Variants in SPECC1 observed in about 807,000 individuals in gnomAD.
SPECC1 encodes sperm antigen with calponin homology and coiled-coil domains 1.
SPECC1 carries 62 observed loss-of-function variants against 104.1 expected under a neutral mutation model. The ratio of observed to expected loss-of-function variants is 0.60; its 90% CI spans 0.49 to 0.74. The LOEUF (loss-of-function observed/expected upper bound fraction) is 0.74. SPECC1 is among the 30% of genes least tolerant of loss of function. The pLI is 0.00. For missense variants in SPECC1, 1,306 were observed against 1,310.5 expected (o/e 1.00, Z 0.05); for synonymous variants, 513 against 501.6 (o/e 1.02, Z -0.30).
intron 7 of SPECC1, among the ~76,000 whole-genome samples, chr17:20,234,487 C>G (rs1177648375): frequency 6.6e-6 from 1 of 152,192 alleles, no homozygotes; most frequent in Non-Finnish European, 1.5e-5. Context: ...ACCCCATGAG[C>G]AAGACTTGAA....
chr17:20,233,750 A>C (rs1386073925), intron 7 of SPECC1, among the ~76,000 whole-genome samples: 1 of 152,196 alleles, frequency 6.6e-6, no homozygotes, highest in Non-Finnish European at 1.5e-5. Context: ...TAGGAAAACT[A>C]GGTTTCACAG....
intron 10 of SPECC1, among the ~76,000 whole-genome samples, chr17:20,256,131 C>T (rs1033709706): frequency 2.0e-5 from 3 of 152,142 alleles, no homozygotes; most frequent in African/African-American, 7.2e-5. Flanking sequence ...CCCACCTCGG[C>T]CTCCCAAAGT....
At chr17:20,213,111 T>C (rs982491434) in intron 4 of SPECC1, among the ~76,000 whole-genome samples, 5 of 152,168 alleles carry the variant, frequency 3.3e-5, no homozygotes, top group Non-Finnish European at 5.9e-5. Context: ...CTTTTCTTTT[T>C]TTTTGAGACA....
At chr17:20,039,333 G>A (rs2045227176) in intron 1 of SPECC1, among the ~76,000 whole-genome samples, 2 of 152,120 alleles carry the variant, frequency 1.3e-5, no homozygotes, top group African/African-American at 4.8e-5. Flanking sequence ...TGTTCTATCA[G>A]TTGTTAAGAG....
chr17:20,268,393 G>C (rs567855156), intron 12 of SPECC1, among the ~76,000 whole-genome samples: 1 of 152,312 alleles, frequency 6.6e-6, no homozygotes, highest in South Asian at 2.1e-4. Flanking sequence ...TTCTGTCTCT[G>C]AGTTCCCACA....
At chr17:20,276,250 G>C (rs2040572896) in intron 12 of SPECC1, among the ~76,000 whole-genome samples, 2 of 151,978 alleles carry the variant, frequency 1.3e-5, no homozygotes, top group Non-Finnish European at 2.9e-5. Context: ...CTAAGTAGCT[G>C]GGTCTACAGG....
At chr17:20,188,250 G>T (rs2035409725) in intron 3 of SPECC1, among the ~76,000 whole-genome samples, 2 of 127,736 alleles carry the variant, frequency 1.6e-5, no homozygotes, top group African/African-American at 3.4e-5. Flanking sequence ...GGTATCAAAA[G>T]ACATCCTTTT....
chr17:20,053,496 G>A lies in SPECC1; in HGVS notation c.-21-43135G>A, dbSNP rs137856215. Among the ~76,000 whole-genome samples the A allele has an allele frequency of 3.2e-3, 488 of 152,336 alleles. 1 individual carries two copies. Among genetic ancestry groups the A allele is most frequent in the Admixed American group, 5.9e-3 (90 of 15,304 alleles). On this transcript the variant is annotated intron_variant, in intron 1 of 14. Coordinates refer to ENST00000395527, the MANE Select transcript of SPECC1 (RefSeq NM_001243439.2). ...TTCTAACTAATGGAATAAGGCAGAA[G>A]TGAGAGTGTTAGGAGTAGGTCCATA...
rs776174771 is a variant in SPECC1, at chr17:20,297,088, G to A, written c.3057+11G>A. ...AATAGTCAGGAGAAAGTAAGTCATG[G>A]CCCTGTCACCTTGGTTATCCTCTAA... On this transcript the variant is annotated intron_variant, in intron 13 of 14. Transcript: ENST00000395527. 1.2e-6 allele frequency: 2 copies of A among 1,609,820 alleles called. No individual in the cohort carries two copies. The highest frequency in any genetic ancestry group is 1.7e-6 in the Non-Finnish European group (2 of 1,176,554).
At chr17:20,059,892 C>T (rs1052690240) in intron 1 of SPECC1, among the ~76,000 whole-genome samples, 1 of 152,114 alleles carries the variant, frequency 6.6e-6, no homozygotes, top group African/African-American at 2.4e-5. Flanking sequence ...GCAAAACAAA[C>T]ATGAGAAGTG....
At chr17:20,226,038 T>C (rs1167957043) in intron 4 of SPECC1, among the ~76,000 whole-genome samples, 1 of 152,164 alleles carries the variant, frequency 6.6e-6, no homozygotes, top group Non-Finnish European at 1.5e-5. Flanking sequence ...ATAGAGCTTA[T>C]AGCCAGAAGG....
At chr17:20,115,504 A>T (rs2048711919) in intron 3 of SPECC1, among the ~76,000 whole-genome samples, 3 of 152,154 alleles carry the variant, frequency 2.0e-5, no homozygotes, top group African/African-American at 7.2e-5. Context: ...TAAAAATAAA[A>T]AAAATTGGAG....
At chr17:20,154,876 C>T (rs1302045247) in intron 3 of SPECC1, among the ~76,000 whole-genome samples, 3 of 151,888 alleles carry the variant, frequency 2.0e-5, no homozygotes, top group Non-Finnish European at 4.4e-5. Context: ...TGTTGAGGGA[C>T]GAGATGTGGC....
At position 20,204,402 on chromosome 17, in the gene SPECC1, A is replaced by G. The variant is rs202082638; in HGVS notation, c.353A>G (p.Glu118Gly). 17 of 1,614,134 alleles carry G rather than the reference A, an allele frequency of 1.1e-5. No individual in the cohort carries two copies. The highest frequency in any genetic ancestry group is 1.4e-5 in the Non-Finnish European group (17 of 1,180,018). Residue 118 changes from glutamate to glycine, a missense_variant, in exon 4 of 15, where the codon GAG becomes GGG. This residue lies in a region of SPECC1 where 1,177 missense variants were observed against 1,139.9 expected (regional missense o/e 1.03). Transcript: ENST00000395527. ...GAATTTTCAGTAACTGTCTCAAGAG[A>G]GAGGTCTGTGCCACGTGGTCCCTCC... ...PREFSVTVSR[E>G]RSVPRGPSNP...
At chr17:20,124,628 CACTT>C (rs2049193199) in intron 3 of SPECC1, among the ~76,000 whole-genome samples, 1 of 152,120 alleles carries the variant, frequency 6.6e-6, no homozygotes. Context: ...GATGCTCCTC[CACTT>C]ACTTCATCGG....
At chr17:20,286,745 G>T (rs950447906) in intron 12 of SPECC1, among the ~76,000 whole-genome samples, 1 of 152,130 alleles carries the variant, frequency 6.6e-6, no homozygotes, top group Non-Finnish European at 1.5e-5. Flanking sequence ...CACTGCAGTG[G>T]GACTGGATCT....
intron 1 of SPECC1, among the ~76,000 whole-genome samples, chr17:20,062,743 C>A (rs369332582): frequency 6.6e-6 from 1 of 151,234 alleles, no homozygotes; most frequent in African/African-American, 2.4e-5. Flanking sequence ...GGCTGGAGTG[C>A]ACTGGTGGGA....
chr17:20,227,365 G>T (rs1480676127), intron 4 of SPECC1, 48 bp from the exon 5 acceptor site: 26 of 1,554,682 alleles, frequency 1.7e-5, no homozygotes, highest in Non-Finnish European at 2.3e-5. Flanking sequence ...GATCACTGTG[G>T]GAATTTTTTT....
chr17:20,121,501 G>C (rs761708115), intron 3 of SPECC1, among the ~76,000 whole-genome samples: 14 of 152,002 alleles, frequency 9.2e-5, no homozygotes, highest in Non-Finnish European at 1.8e-4. Flanking sequence ...CTCTCGAGTA[G>C]CTGGGACTAC....
Sources: gnomAD v4.1 joint callset for allele counts (sites outside exome capture counted in the v4.1 genomes callset) on GRCh38, gnomAD v4.1.1 for gene constraint, gnomAD v4.1.1 regional missense constraint, MANE v1.5 for transcripts, NCBI Gene and HGNC (gene_info 2026-07-23, HGNC 2026-07-21) for gene names.